The following CNTN5 variants were observed in gnomAD, a reference collection of about 807,000 sequenced individuals.
CNTN5 encodes contactin-5.
In CNTN5, 77 loss-of-function variants were observed where a neutral mutation model predicts 129.1. The ratio of observed to expected loss-of-function variants is 0.60; its 90% CI spans 0.50 to 0.72. CNTN5 has a LOEUF of 0.72. CNTN5 is among the 30% of genes least tolerant of loss of function. The pLI, the probability that CNTN5 is intolerant of heterozygous loss-of-function variation, is 0.00. For missense variants in CNTN5, 1,478 were observed against 1,328.8 expected, an observed-to-expected ratio of 1.11 and a Z score of -1.75; for synonymous variants, 509 against 465.6, an observed-to-expected ratio of 1.09 and a Z score of -1.20.
At chr11:99,515,957 A>AC (rs1364491557) in intron 2 of CNTN5, among the ~76,000 whole-genome samples, 2 of 150,148 alleles carry the variant, frequency 1.3e-5, no homozygotes, top group Non-Finnish European at 3.0e-5. Flanking sequence ...ATGAAAAAAA[A>AC]AAAACAAAAT....
chr11:99,229,684 C>A (rs1163102682), intron 1 of CNTN5, among the ~76,000 whole-genome samples: 1 of 151,980 alleles, frequency 6.6e-6, no homozygotes, highest in Non-Finnish European at 1.5e-5. Flanking sequence ...GCTTGAAGGG[C>A]CTTCCCCCAG....
At chr11:100,258,845 C>G (rs1003380315) in intron 17 of CNTN5, among the ~76,000 whole-genome samples, 5 of 152,134 alleles carry the variant, frequency 3.3e-5, no homozygotes, top group African/African-American at 1.2e-4. Flanking sequence ...AAAAACATAC[C>G]AAATTGTAAA....
At chr11:99,700,305 C>T (rs1954462973) in intron 3 of CNTN5, among the ~76,000 whole-genome samples, 1 of 151,322 alleles carries the variant, frequency 6.6e-6, no homozygotes, top group Non-Finnish European at 1.5e-5. Context: ...TCTATGATCA[C>T]ACAACTTGAT....
At chr11:100,015,136 T>A (rs1940755162) in intron 9 of CNTN5, among the ~76,000 whole-genome samples, 1 of 152,148 alleles carries the variant, frequency 6.6e-6, no homozygotes, top group African/African-American at 2.4e-5. Context: ...GGTATATATA[T>A]GTACTCAAGG....
intron 13 of CNTN5, among the ~76,000 whole-genome samples, chr11:100,129,622 C>A (rs1196179102): frequency 1.3e-5 from 2 of 152,040 alleles, no homozygotes; most frequent in African/African-American, 2.4e-5. Context: ...TACAGAAGTT[C>A]TTTTGGTCTC....
intron 3 of CNTN5, among the ~76,000 whole-genome samples, chr11:99,673,782 C>G (rs1953152453): frequency 6.6e-6 from 1 of 151,576 alleles, no homozygotes; most frequent in Admixed American, 6.6e-5. Flanking sequence ...AAAAAGATCT[C>G]ATCCTTTTTC....
intron 16 of CNTN5, among the ~76,000 whole-genome samples, chr11:100,255,293 A>T (rs913716020): frequency 6.6e-6 from 1 of 152,220 alleles, no homozygotes; most frequent in Non-Finnish European, 1.5e-5. Context: ...GATAGTACAC[A>T]TCATAGGGCT....
intron 13 of CNTN5, among the ~76,000 whole-genome samples, chr11:100,095,115 A>C (rs1478822060): frequency 1.3e-5 from 2 of 152,164 alleles, no homozygotes; most frequent in Non-Finnish European, 2.9e-5. Flanking sequence ...TTGCACAAAG[A>C]ACTAATAAGC....
intron 9 of CNTN5, among the ~76,000 whole-genome samples, chr11:100,007,701 ACTTT>A (rs1285435591): frequency 2.6e-5 from 4 of 152,018 alleles, no homozygotes; most frequent in South Asian, 4.2e-4. Context: ...GACCATTAAA[ACTTT>A]CTTTCTATCA....
At chr11:100,056,586 C>G in intron 9 of CNTN5, among the ~76,000 whole-genome samples, 1 of 151,460 alleles carries the variant, frequency 6.6e-6, no homozygotes, top group Non-Finnish European at 1.5e-5. Context: ...CTTTTATGAA[C>G]AGGTATTTTC....
intron 1 of CNTN5, among the ~76,000 whole-genome samples, chr11:99,038,073 A>G (rs915412694): frequency 1.3e-5 from 2 of 152,124 alleles, no homozygotes; most frequent in East Asian, 1.9e-4. Flanking sequence ...TAAAGAGGCC[A>G]ACATTGAAAA....
intron 3 of CNTN5, among the ~76,000 whole-genome samples, chr11:99,620,495 C>CT (rs1025380114): frequency 2.4e-5 from 3 of 126,368 alleles, no homozygotes; most frequent in African/African-American, 8.2e-5. Flanking sequence ...TCTTAAAACT[C>CT]TTTTTTTCTT....
intron 2 of CNTN5, among the ~76,000 whole-genome samples, chr11:99,526,418 G>A (rs184608975): frequency 6.6e-6 from 1 of 152,296 alleles, no homozygotes; most frequent in East Asian, 1.9e-4. Flanking sequence ...ACTGAAATCT[G>A]AAAGCCGAGA....
intron 15 of CNTN5, among the ~76,000 whole-genome samples, chr11:100,207,567 C>T (rs888470943): frequency 1.3e-5 from 2 of 152,120 alleles, no homozygotes; most frequent in African/African-American, 4.8e-5. Context: ...TTTCTAACTA[C>T]TGATAGCCCC....
At chr11:99,691,951 A>G (rs1173948322) in intron 3 of CNTN5, among the ~76,000 whole-genome samples, 1 of 152,168 alleles carries the variant, frequency 6.6e-6, no homozygotes. Flanking sequence ...ATATATATTT[A>G]GGATAGTTAG....
chr11:99,476,810 A>C (rs1565214672), intron 2 of CNTN5, among the ~76,000 whole-genome samples: 1 of 152,138 alleles, frequency 6.6e-6, no homozygotes, highest in Non-Finnish European at 1.5e-5. Flanking sequence ...TGTTTAATCA[A>C]CTGATCCTTT....
chr11:100,289,778 G>A (rs1591481658), intron 18 of CNTN5, among the ~76,000 whole-genome samples: 4 of 148,230 alleles, frequency 2.7e-5, no homozygotes, highest in East Asian at 2.0e-4. Flanking sequence ...GGCAGGAGAA[G>A]GAAATAAAGG....
intron 20 of CNTN5, among the ~76,000 whole-genome samples, chr11:100,307,125 T>G (rs961456006): frequency 2.0e-5 from 3 of 151,602 alleles, no homozygotes; most frequent in African/African-American, 7.3e-5. Context: ...GACACATGTA[T>G]GACTAGCTTC....
At chr11:99,282,636 T>C (rs1284890917) in intron 1 of CNTN5, among the ~76,000 whole-genome samples, 1 of 152,086 alleles carries the variant, frequency 6.6e-6, no homozygotes, top group East Asian at 1.9e-4. Context: ...CAACATTAAA[T>C]CCTCGAATAA....
Sources: allele counts gnomAD v4.1 joint callset (sites outside exome capture counted in the v4.1 genomes callset), GRCh38; gene constraint gnomAD v4.1.1; transcripts MANE v1.5; gene names NCBI Gene and HGNC (gene_info 2026-07-23, HGNC 2026-07-21).